The following ZSWIM5 variants were observed in gnomAD, a reference collection of about 807,000 sequenced individuals.
ZSWIM5 encodes the protein zinc finger SWIM-type containing 5.
ZSWIM5 carries 55 observed loss-of-function variants against 119.6 expected under a neutral mutation model. That is an observed-to-expected ratio of 0.46 (90% CI 0.37 to 0.58). The LOEUF is 0.58. ZSWIM5 is among the 20% of genes least tolerant of loss of function. The probability of loss-of-function intolerance (pLI) is 0.00; values close to 1 mark genes in which losing one functional copy is unlikely to be tolerated. For synonymous variants in ZSWIM5, 537 were observed against 606.9 expected (o/e 0.88, Z 1.69); for missense variants, 1,193 against 1,512.8 (o/e 0.79, Z 3.51).
intron 1 of ZSWIM5, among the ~76,000 whole-genome samples, chr1:45,129,161 T>TG (rs1645639488): frequency 7.0e-6 from 1 of 143,174 alleles, no homozygotes; most frequent in African/African-American, 2.6e-5. Context: ...TTGTTTTTTT[T>TG]TTTTTTTTTT....
intron 4 of ZSWIM5, among the ~76,000 whole-genome samples, chr1:45,055,831 A>C (rs1281061942): frequency 1.3e-5 from 2 of 152,202 alleles, no homozygotes; most frequent in African/African-American, 4.8e-5. Flanking sequence ...AACCAAGAGA[A>C]GAGTGTTTCA....
At chr1:45,076,913 C>G (rs1361738202) in intron 2 of ZSWIM5, among the ~76,000 whole-genome samples, 1 of 151,834 alleles carries the variant, frequency 6.6e-6, no homozygotes, top group Non-Finnish European at 1.5e-5. Context: ...CTTCTGTATG[C>G]CAATTGCATT....
At chr1:45,134,155 C>G (rs558018848) in intron 1 of ZSWIM5, among the ~76,000 whole-genome samples, 13 of 152,132 alleles carry the variant, frequency 8.5e-5, no homozygotes, top group South Asian at 2.1e-4. Context: ...AAGAAAGTCA[C>G]TGGTAGCTTG....
chr1:45,031,826 T>G (rs1332099745), intron 11 of ZSWIM5, among the ~76,000 whole-genome samples: 1 of 115,444 alleles, frequency 8.7e-6, no homozygotes, highest in African/African-American at 3.2e-5. Flanking sequence ...GGCAACGGAG[T>G]AAGACTCCAT....
intron 1 of ZSWIM5, among the ~76,000 whole-genome samples, chr1:45,169,131 T>C (rs568385577): frequency 6.6e-6 from 1 of 152,126 alleles, no homozygotes; most frequent in African/African-American, 2.4e-5. Context: ...ATCATGTTCC[T>C]TTATACGTTC....
chr1:45,138,757 C>A (rs1645705731), intron 1 of ZSWIM5, among the ~76,000 whole-genome samples: 1 of 152,146 alleles, frequency 6.6e-6, no homozygotes, highest in Non-Finnish European at 1.5e-5. Context: ...AGGTTCCAAC[C>A]CACTAATCTC....
chr1:45,020,589 G>C (rs758385823), intron 12 of ZSWIM5, 36 bp downstream of exon 12: 1 of 1,604,620 alleles, frequency 6.2e-7, no homozygotes, highest in Non-Finnish European at 8.5e-7. Context: ...CTAGGTCAGC[G>C]GTCTAAACTG....
At chr1:45,128,440 C>G (rs1446154622) in intron 1 of ZSWIM5, among the ~76,000 whole-genome samples, 3 of 152,156 alleles carry the variant, frequency 2.0e-5, no homozygotes, top group Non-Finnish European at 4.4e-5. Flanking sequence ...CTCAAGCGAT[C>G]CTCCCGCTTT....
chr1:45,080,854 A>G (rs1416697044), intron 2 of ZSWIM5, among the ~76,000 whole-genome samples: 1 of 152,216 alleles, frequency 6.6e-6, no homozygotes, highest in Non-Finnish European at 1.5e-5. Flanking sequence ...TGCTGGAGGC[A>G]GAGCTGGAAG....
At chr1:45,149,524 C>T (rs1645783091) in intron 1 of ZSWIM5, among the ~76,000 whole-genome samples, 1 of 152,152 alleles carries the variant, frequency 6.6e-6, no homozygotes, top group Non-Finnish European at 1.5e-5. Context: ...TTACAAAGCA[C>T]TATCAAGGGA....
Position 45,181,028 on chromosome 1 carries a change from T to A in ZSWIM5, c.595+24728A>T, listed in dbSNP as rs1646014579. On this transcript the variant is annotated intron_variant, in intron 1 of 13. Coordinates refer to ENST00000359600, the MANE Select transcript of ZSWIM5 (RefSeq NM_020883.2). Reference sequence around the variant, plus strand: ...TGGAAACTCTAAAAAGCAGAGCGCCTCTCCTCCTCCAAAGGAACACAGCTC... The same window carrying A: ...TGGAAACTCTAAAAAGCAGAGCGCCACTCCTCCTCCAAAGGAACACAGCTC... 3.3e-5 allele frequency among the ~76,000 whole-genome samples: 5 copies of A among 151,922 alleles called. No homozygotes were observed. In the South Asian group the frequency reaches 1.0e-3, roughly 32 times the overall value.
Position 45,206,217 on chromosome 1 carries a change from C to T in ZSWIM5, c.134G>A (p.Gly45Glu), listed in dbSNP as rs1378002243. 6 of 1,588,266 alleles carry T rather than the reference C, an allele frequency of 3.8e-6. No individual in the cohort carries two copies. The highest frequency in any genetic ancestry group is 5.1e-6 in the Non-Finnish European group (6 of 1,168,876). Residue 45 changes from glycine to glutamate, a missense_variant, in exon 1 of 14, where the codon GGG (glycine) becomes GAG (glutamate). Coordinates refer to ENST00000359600, the MANE Select transcript of ZSWIM5 (RefSeq NM_020883.2). ...GSPGAAGGGAGGVGSSCLVLG... is the reference protein window; with the variant it reads ...GSPGAAGGGAEGVGSSCLVLG... ...GACCAGGCAGCTGCTGCCGACGCCC[C>T]CTGCCCCTCCGCCGGCTGCCCCAGG...
Position 45,042,077 on chromosome 1 carries a change from T to G in ZSWIM5, c.1609+1142A>C, listed in dbSNP as rs115334102. On this transcript the variant is annotated intron_variant, in intron 6 of 13. Transcript: ENST00000359600. ...ATCTGTACCTTATTTTTATCCATGC[T>G]GTAATGAGCCCCTTAGCTATATGCA... Among the ~76,000 whole-genome samples the G allele has an allele frequency of 8.4e-3, 1,283 of 152,332 alleles. 12 individuals carry two copies. Among genetic ancestry groups the G allele is most frequent in the Non-Finnish European group, 0.012 (817 of 68,034 alleles).
chr1:45,184,608 GACAA>G (rs1257168697), intron 1 of ZSWIM5, among the ~76,000 whole-genome samples: 2 of 151,960 alleles, frequency 1.3e-5, no homozygotes, highest in African/African-American at 4.8e-5. Context: ...ACCAATAACA[GACAA>G]ACAGAGAGCC....
chr1:45,102,774 G>A (rs1645447387), intron 1 of ZSWIM5, among the ~76,000 whole-genome samples: 1 of 152,140 alleles, frequency 6.6e-6, no homozygotes, highest in Non-Finnish European at 1.5e-5. Flanking sequence ...GGTGAGCAAA[G>A]TAACAATAAT....
chr1:45,019,009 G>T lies in ZSWIM5; in HGVS notation c.3003C>A (p.Phe1001Leu). 6.2e-7 allele frequency: 1 copy of T among 1,614,198 alleles called. No individual in the cohort carries two copies. The highest frequency in any genetic ancestry group is 8.5e-7 in the Non-Finnish European group (1 of 1,180,028). The change falls in exon 14 of 14, where the codon TTC (phenylalanine) becomes TTA (leucine). Residue 1001 changes from phenylalanine to leucine, a missense_variant. Physicochemically the swap from Phe to Leu is conservative, Grantham distance 22 (BLOSUM62 0). Coordinates refer to ENST00000359600, the MANE Select transcript of ZSWIM5 (RefSeq NM_020883.2). The surrounding 1 kb of genome is among the most constrained non-coding windows in gnomAD (Gnocchi z 5.0). ...GGAGCTCCATGTAGCGGGCGATGGT[G>T]AACAGCTGTGAATGGGTCATACCAC... ...AAGGMTHSQLFTIARYMELRG... is the reference protein window; with the variant it reads ...AAGGMTHSQLLTIARYMELRG...
At chr1:45,147,220 A>G (rs1645767153) in intron 1 of ZSWIM5, among the ~76,000 whole-genome samples, 1 of 152,108 alleles carries the variant, frequency 6.6e-6, no homozygotes, top group South Asian at 2.1e-4. Flanking sequence ...ACCAACAGGC[A>G]TTCACCATCA....
At chr1:45,103,389 G>A (rs184031275) in intron 1 of ZSWIM5, among the ~76,000 whole-genome samples, 1 of 152,202 alleles carries the variant, frequency 6.6e-6, no homozygotes, top group African/African-American at 2.4e-5. Context: ...CCCTGTTTCC[G>A]ATAAGAAAAC....
intron 1 of ZSWIM5, among the ~76,000 whole-genome samples, chr1:45,115,967 G>C (rs1224565762): frequency 6.6e-6 from 1 of 152,204 alleles, no homozygotes; most frequent in Non-Finnish European, 1.5e-5. Context: ...AACCAGTCAG[G>C]CGTGGTGGCG....
Sources: allele counts gnomAD v4.1 joint callset (sites outside exome capture counted in the v4.1 genomes callset), GRCh38; gene constraint gnomAD v4.1.1; non-coding constraint Gnocchi (gnomAD v3.1); transcripts MANE v1.5; gene names NCBI Gene and HGNC (gene_info 2026-07-23, HGNC 2026-07-21).